Variants in TMTC2 observed in about 807,000 individuals in gnomAD.
TMTC2 encodes protein O-mannosyl-transferase TMTC2.
A neutral mutation model predicts 82.4 loss-of-function variants in TMTC2; 43 were observed. The observed-to-expected ratio is 0.52, with a 90% confidence interval of 0.41 to 0.67. The LOEUF is 0.67. Among genes scored for constraint, TMTC2 ranks in the 30% least tolerant of loss-of-function variants. The pLI is 0.00. For missense variants in TMTC2, 919 were observed against 1,012.4 expected (o/e 0.91, Z 1.25); for synonymous variants, 408 against 381.9 (o/e 1.07, Z -0.80).
intron 1 of TMTC2, among the ~76,000 whole-genome samples, chr12:82,835,061 C>T (rs113306921): frequency 0.013 from 1,915 of 152,054 alleles, 17 homozygotes; most frequent in South Asian, 0.041. Context: ...AGGGTGTTGC[C>T]ATGTCACCCA....
At chr12:82,727,868 G>A (rs1874545085) in intron 1 of TMTC2, among the ~76,000 whole-genome samples, 1 of 149,144 alleles carries the variant, frequency 6.7e-6, no homozygotes, top group African/African-American at 2.5e-5. Flanking sequence ...AAAAAAAAGA[G>A]AGAAGGAAAT....
chr12:82,837,939 A>G (rs1270707071), intron 1 of TMTC2, among the ~76,000 whole-genome samples: 1 of 152,100 alleles, frequency 6.6e-6, no homozygotes, highest in African/African-American at 2.4e-5. Flanking sequence ...CGAAGATGCA[A>G]TTTTTTCATA....
intron 1 of TMTC2, among the ~76,000 whole-genome samples, chr12:82,775,058 C>T (rs1403665623): frequency 6.6e-6 from 1 of 151,914 alleles, no homozygotes; most frequent in African/African-American, 2.4e-5. Flanking sequence ...ATTAGTAAAC[C>T]AGGGTTTATT....
chr12:83,008,007 A>G (rs1183894558), intron 8 of TMTC2, among the ~76,000 whole-genome samples: 1 of 152,246 alleles, frequency 6.6e-6, no homozygotes, highest in South Asian at 2.1e-4. Flanking sequence ...CCTTATCCAT[A>G]GGTAAGGTGA....
chr12:82,892,977 A>T (rs1944705415), intron 2 of TMTC2, among the ~76,000 whole-genome samples: 1 of 152,182 alleles, frequency 6.6e-6, no homozygotes, highest in Non-Finnish European at 1.5e-5. Flanking sequence ...GAAATTTTAG[A>T]ATTATTATTG....
At chr12:82,758,670 CAAAT>C (rs2136976505) in intron 1 of TMTC2, 1 of 152,268 alleles carries the variant, frequency 6.6e-6, no homozygotes, top group South Asian at 2.1e-4. Flanking sequence ...CATTAATCCT[CAAAT>C]AAAACTGTGG....
chr12:82,966,506 G>A (rs989059002), intron 6 of TMTC2, among the ~76,000 whole-genome samples: 1 of 152,132 alleles, frequency 6.6e-6, no homozygotes, highest in Non-Finnish European at 1.5e-5. Flanking sequence ...GGTTTCAAGA[G>A]CTGGAAGATT....
chr12:82,937,201 G>A (rs552288779), intron 4 of TMTC2, among the ~76,000 whole-genome samples: 43 of 152,230 alleles, frequency 2.8e-4, no homozygotes, highest in Non-Finnish European at 5.4e-4. Context: ...TCATTTCACA[G>A]ATCTGAAAAC....
rs552160158 is a variant in TMTC2 at position 82,843,713 on chromosome 12, C to T, written c.84-13297C>T. On this transcript the variant is annotated intron_variant, in intron 1 of 11. Transcript: ENST00000321196. ...CTGTAATCCCAGCACTTTGGGAGTCCGGGGCGGGTGGATCACTTGAGGTCT... is the reference window on the plus strand; with the variant it reads ...CTGTAATCCCAGCACTTTGGGAGTCTGGGGCGGGTGGATCACTTGAGGTCT... 1.6e-4 allele frequency among the ~76,000 whole-genome samples: 24 copies of T among 151,868 alleles called. No individual in the cohort carries two copies. The South Asian group carries it at 2.9e-3, about 18-fold the overall frequency.
intron 4 of TMTC2, among the ~76,000 whole-genome samples, chr12:82,937,766 A>ATATGTGTG (rs1876435674): frequency 1.4e-4 from 3 of 20,724 alleles, no homozygotes; most frequent in Admixed American, 1.2e-3. Context: ...ATATATATAT[A>ATATGTGTG]TATATATATA....
intron 1 of TMTC2, among the ~76,000 whole-genome samples, chr12:82,713,492 G>A (rs1184987153): frequency 3.9e-5 from 6 of 152,184 alleles, no homozygotes; most frequent in Non-Finnish European, 7.3e-5. Flanking sequence ...GGCTGGGGAA[G>A]CCTCACAATC....
intron 1 of TMTC2, among the ~76,000 whole-genome samples, chr12:82,781,153 C>A (rs1453259806): frequency 6.6e-6 from 1 of 151,912 alleles, no homozygotes; most frequent in Non-Finnish European, 1.5e-5. Context: ...GGATTAAAAA[C>A]AAGACAACAA....
chr12:82,841,707 T>C (rs1870346083), intron 1 of TMTC2, among the ~76,000 whole-genome samples: 3 of 152,216 alleles, frequency 2.0e-5, no homozygotes. Flanking sequence ...TGTGTGTGTG[T>C]ATAACTATTT....
In TMTC2 at chr12:83,041,143, C is replaced by T. The variant is rs117574545; in HGVS notation, c.2153-9761C>T. Reference sequence around the variant, plus strand: ...ATAACTAGGTCATGCTTTGCTAAGGCGACGTATAGTTATGTAAAATTAGCA... The same window carrying T: ...ATAACTAGGTCATGCTTTGCTAAGGTGACGTATAGTTATGTAAAATTAGCA... On this transcript the variant is annotated intron_variant, in intron 9 of 11. Transcript: ENST00000321196. Among the ~76,000 whole-genome samples, 368 of 152,134 alleles carry T rather than the reference C, an allele frequency of 2.4e-3. 8 individuals carry two copies. In the East Asian group the frequency reaches 0.053, roughly 22 times the overall value.
intron 3 of TMTC2, among the ~76,000 whole-genome samples, chr12:82,927,980 G>T (rs1367727413): frequency 1.3e-5 from 2 of 151,892 alleles, no homozygotes; most frequent in African/African-American, 4.8e-5. Flanking sequence ...TCACTTTATT[G>T]TGGTTGTCTG....
chr12:82,692,378 G>C (rs564057315), intron 1 of TMTC2, among the ~76,000 whole-genome samples: 5 of 152,154 alleles, frequency 3.3e-5, no homozygotes, highest in Non-Finnish European at 7.3e-5. Context: ...TTGCATTCCA[G>C]CATGCATTAG....
rs1031915800 is a variant in TMTC2 at position 83,081,936 on chromosome 12, C to T, written c.2331+20105C>T. On this transcript the variant is annotated intron_variant, in intron 11 of 11. Transcript: ENST00000321196. ...GTTAGAGGGTACAGTGAACTATGATCACACCACTGTACTCCATCCTGGGCA... is the reference window on the plus strand; with the variant it reads ...GTTAGAGGGTACAGTGAACTATGATTACACCACTGTACTCCATCCTGGGCA... Among the ~76,000 whole-genome samples the T allele has an allele frequency of 6.6e-5, 10 of 152,164 alleles. 1 individual carries two copies. The highest frequency in any genetic ancestry group is 2.4e-4 in the African/African-American group (10 of 41,524).
At chr12:82,813,728 CA>C (rs1387967346) in intron 1 of TMTC2, among the ~76,000 whole-genome samples, 1 of 151,916 alleles carries the variant, frequency 6.6e-6, no homozygotes, top group Non-Finnish European at 1.5e-5. Context: ...TTATATATAG[CA>C]ATATTTTTAA....
At chr12:83,119,128 T>A (rs1205520406) in intron 11 of TMTC2, among the ~76,000 whole-genome samples, 1 of 152,180 alleles carries the variant, frequency 6.6e-6, no homozygotes, top group Non-Finnish European at 1.5e-5. Flanking sequence ...TCTTTTGGAT[T>A]TTTTTGTTTC....
Sources: gnomAD v4.1 joint callset for allele counts (sites outside exome capture counted in the v4.1 genomes callset) on GRCh38, gnomAD v4.1.1 for gene constraint, MANE v1.5 for transcripts, NCBI Gene and HGNC (gene_info 2026-07-23, HGNC 2026-07-21) for gene names.